Variants in NDEL1 observed in about 807,000 individuals in gnomAD.
NDEL1 encodes nuclear distribution protein nudE-like 1.
A neutral mutation model predicts 45.7 loss-of-function variants in NDEL1; 9 were observed. The observed-to-expected ratio is 0.20, with a 90% CI of 0.12 to 0.34. The LOEUF is 0.34. Among genes scored for constraint, NDEL1 ranks in the 10% least tolerant of loss-of-function variants. NDEL1 has a pLI of 1.00. For missense variants in NDEL1, 306 were observed against 406.2 expected, an observed-to-expected ratio of 0.75 and a Z score of 2.12; for synonymous variants, 133 against 158.6, an observed-to-expected ratio of 0.84 and a Z score of 1.21.
intron 8 of NDEL1, among the ~76,000 whole-genome samples, chr17:8,462,464 G>C (rs1911271350): frequency 6.6e-6 from 1 of 152,038 alleles, no homozygotes; most frequent in African/African-American, 2.4e-5. Context: ...TGGCCTGTCT[G>C]GCTTTTTACC....
upstream of NDEL1, chr17:8,435,869 C>T (rs962729677): frequency 4.5e-6 from 2 of 447,596 alleles, no homozygotes; most frequent in Non-Finnish European, 8.9e-6. Context: ...ACAGAATGGC[C>T]TCGGACACCC....
chr17:8,456,723 G>A (rs1383360473), intron 7 of NDEL1, among the ~76,000 whole-genome samples: 1 of 151,948 alleles, frequency 6.6e-6, no homozygotes, highest in Non-Finnish European at 1.5e-5. Flanking sequence ...GGTCTTGAAC[G>A]CCTGACTTCA....
chr17:8,417,918 C>T (rs1908593717), intron 1 of NDEL1, among the ~76,000 whole-genome samples: 1 of 152,198 alleles, frequency 6.6e-6, no homozygotes, highest in Non-Finnish European at 1.5e-5. Flanking sequence ...TGTTGATTGC[C>T]TGGGCTGTGA....
chr17:8,428,514 GC>G (rs1189900378), intron 1 of NDEL1, among the ~76,000 whole-genome samples: 1 of 151,196 alleles, frequency 6.6e-6, no homozygotes, highest in Non-Finnish European at 1.5e-5. Context: ...ACAGGCATGT[GC>G]CACCACACCC....
At chr17:8,439,658 T>C (rs1909606844) in intron 1 of NDEL1, among the ~76,000 whole-genome samples, 1 of 152,216 alleles carries the variant, frequency 6.6e-6, no homozygotes, top group Admixed American at 6.5e-5. Context: ...GGAATATGCA[T>C]ATATTCCTGA....
chr17:8,420,177 G>T (rs946979946), intron 1 of NDEL1, among the ~76,000 whole-genome samples: 2 of 152,132 alleles, frequency 1.3e-5, no homozygotes, highest in African/African-American at 2.4e-5. Context: ...TGGAGACGTT[G>T]CTTAACCTCT....
At chr17:8,415,702 C>T (rs574878049) in intron 1 of NDEL1, among the ~76,000 whole-genome samples, 1 of 151,434 alleles carries the variant, frequency 6.6e-6, no homozygotes, top group African/African-American at 2.4e-5. Flanking sequence ...GGATTACAGG[C>T]GTGAGACACC....
intron 3 of NDEL1, among the ~76,000 whole-genome samples, chr17:8,473,885 T>C (rs1418413486): frequency 1.3e-5 from 2 of 152,242 alleles, no homozygotes; most frequent in Non-Finnish European, 1.5e-5. Context: ...TGAAATGTCC[T>C]GGACCCCTGA....
intron 7 of NDEL1, among the ~76,000 whole-genome samples, chr17:8,457,297 A>C (rs1345664704): frequency 6.7e-6 from 1 of 150,152 alleles, no homozygotes; most frequent in Non-Finnish European, 1.5e-5. Context: ...TCTCCATTTT[A>C]CTCTTGGGTT....
upstream of NDEL1, chr17:8,435,879 C>T: frequency 2.2e-6 from 1 of 447,850 alleles, no homozygotes; most frequent in Non-Finnish European, 4.5e-6. Context: ...CTCGGACACC[C>T]AGGCAGTCCC....
At chr17:8,450,322 A>G (rs891268101) in intron 5 of NDEL1, among the ~76,000 whole-genome samples, 1 of 151,776 alleles carries the variant, frequency 6.6e-6, no homozygotes, top group Non-Finnish European at 1.5e-5. Flanking sequence ...ATTTGAAAGC[A>G]TGAGAAAAAT....
At chr17:8,428,900 C>G (rs1443315065) in intron 1 of NDEL1, among the ~76,000 whole-genome samples, 2 of 152,046 alleles carry the variant, frequency 1.3e-5, no homozygotes, top group Non-Finnish European at 2.9e-5. Flanking sequence ...GTCTCGATCT[C>G]CTGACCTTGT....
At chr17:8,452,208 A>G (rs1910547950) in intron 6 of NDEL1, among the ~76,000 whole-genome samples, 1 of 152,238 alleles carries the variant, frequency 6.6e-6, no homozygotes, top group Non-Finnish European at 1.5e-5. Flanking sequence ...AGATTTCACA[A>G]TTACACCTGA....
chr17:8,463,279 A>G (rs1482470792), intron 8 of NDEL1: 4 of 1,546,942 alleles, frequency 2.6e-6, no homozygotes, highest in South Asian at 1.1e-5. Context: ...TGGAAATAGT[A>G]TTCGTATTAC....
intron 6 of NDEL1, among the ~76,000 whole-genome samples, chr17:8,451,191 T>A (rs77242710): frequency 6.6e-6 from 1 of 152,212 alleles, no homozygotes; most frequent in African/African-American, 2.4e-5. Context: ...TTAAGGAAAG[T>A]TTATTTTTTG....
At chr17:8,420,243 ATTG>A (rs1908668416) in intron 1 of NDEL1, among the ~76,000 whole-genome samples, 1 of 152,178 alleles carries the variant, frequency 6.6e-6, no homozygotes, top group Non-Finnish European at 1.5e-5. Context: ...GCTTCATAGC[ATTG>A]TTGTGAATGA....
At chr17:8,428,964 C>G (rs557892378) in intron 1 of NDEL1, among the ~76,000 whole-genome samples, 1 of 152,202 alleles carries the variant, frequency 6.6e-6, no homozygotes, top group Admixed American at 6.5e-5. Context: ...TGAGCCACCG[C>G]GCCCGGCCTA....
chr17:8,472,906 C>T (rs1911901041), downstream of NDEL1, among the ~76,000 whole-genome samples: 1 of 152,198 alleles, frequency 6.6e-6, no homozygotes, highest in Non-Finnish European at 1.5e-5. Context: ...AACCACACTG[C>T]TGCTGGGTAG....
At chr17:8,415,418 T>G (rs1000306078) in intron 1 of NDEL1, among the ~76,000 whole-genome samples, 2 of 144,260 alleles carry the variant, frequency 1.4e-5, no homozygotes, top group African/African-American at 5.2e-5. Flanking sequence ...TGCCACTTTA[T>G]AGTTTTAACA....
Sources: gnomAD v4.1 joint callset for allele counts (sites outside exome capture counted in the v4.1 genomes callset) on GRCh38, gnomAD v4.1.1 for gene constraint, MANE v1.5 for transcripts, NCBI Gene and HGNC (gene_info 2026-07-23, HGNC 2026-07-21) for gene names.